Variants in NLRP1 observed in about 807,000 individuals in gnomAD.
NLRP1 encodes NLR family pyrin domain containing 1, also known as NACHT, LRR and PYD domains-containing protein 1.
A neutral mutation model predicts 136.7 loss-of-function variants in NLRP1; 94 were observed. That is an observed-to-expected ratio of 0.69 (90% CI 0.58 to 0.82). NLRP1 has a LOEUF of 0.82. Among genes scored for constraint, NLRP1 ranks in the 40% least tolerant of loss-of-function variants. The pLI is 0.00. For synonymous variants in NLRP1, 690 were observed against 725.1 expected (o/e 0.95, Z 0.78); for missense variants, 1,575 against 1,802.7 (o/e 0.87, Z 2.29).
In NLRP1 at chr17:5,583,596, G is replaced by A; in HGVS notation, c.271+91C>T. 7.6e-7 allele frequency: 1 copy of A among 1,318,308 alleles called. No homozygotes were observed. Among genetic ancestry groups the A allele is most frequent in the Non-Finnish European group, 1.0e-6 (1 of 968,864 alleles). 81.7% of individuals were successfully genotyped at this position (1,318,308 alleles called of 1,614,324 possible). A position where few individuals can be genotyped will look rare whatever the true frequency, so the allele number is the denominator to read the frequency against. ...TCACTGCTCAGAGGAAGGCCTGGCA[G>A]GGAGGGCTCAGTGGTGGGGTCCCAA... On this transcript the variant is annotated intron_variant, in intron 1 of 16. Transcript: ENST00000572272. This position sits in a 1 kb window ranked among gnomAD's most constrained non-coding sequence, Gnocchi z 4.5.
intron 9 of NLRP1, 123 bp from the exon 10 acceptor site, chr17:5,533,507 G>T (rs1597415017): frequency 3.6e-6 from 2 of 552,168 alleles, no homozygotes; most frequent in East Asian, 6.8e-5. Context: ...AGTGAGCCAT[G>T]AACATGCCAC....
Position 5,521,667 on chromosome 17 carries a change from G to A in NLRP1, c.3640C>T (p.Pro1214Ser), listed in dbSNP as rs1908919819. Residue 1214 changes from proline to serine, a missense_variant, in exon 13 of 17, where the codon CCC becomes TCC. By Grantham distance (74) the Pro-to-Ser change is moderately conservative (BLOSUM62 -1). Coordinates refer to ENST00000572272, the MANE Select transcript of NLRP1 (RefSeq NM_033004.4). ...ATCATTTTCAGGAGGACTCCCAAGG[G>A]GGAGAAGCTGGGGTTTTCCAGAACT... The part of the protein sequence containing the change: ...HIVLENPSFS[P>S]LGVLLKMIHN... 1 of 1,613,826 alleles carries A rather than the reference G, an allele frequency of 6.2e-7. No homozygotes were observed. Among genetic ancestry groups the A allele is most frequent in the South Asian group, 1.1e-5 (1 of 91,068 alleles).
rs780430904 is a variant in NLRP1 at position 5,558,995 on chromosome 17, C to G, written c.1701G>C (p.Gln567His). 1 of 1,614,152 alleles carries G rather than the reference C, an allele frequency of 6.2e-7. No homozygotes were observed. The highest frequency in any genetic ancestry group is 1.1e-5 in the South Asian group (1 of 91,078). ...QALQAQPLGP[Q>H]LRDLCSLAAE... ...CAGCCAGAGAGCAGAGGTCTCTGAG[C>G]TGGGGTCCCAATGGCTGAGCTTGGA... The change falls in exon 4 of 17, where the codon CAG (glutamine) becomes CAC (histidine). Residue 567 changes from glutamine (Q) to histidine (H), a missense_variant. Gln to His is a conservative substitution (Grantham distance 24). Coordinates refer to ENST00000572272, the MANE Select transcript of NLRP1 (RefSeq NM_033004.4).
In NLRP1 at chr17:5,514,965, T is replaced by G; in HGVS notation, c.4211A>C (p.His1404Pro). The G allele has an allele frequency of 6.2e-7, 1 of 1,614,212 alleles. No homozygotes were observed. The highest frequency in any genetic ancestry group is 2.2e-5 in the East Asian group (1 of 44,874). The change falls in exon 17 of 17, where the codon CAT becomes CCT. Residue 1404 changes from histidine (H) to proline (P), a missense_variant. Physicochemically the swap from His to Pro is moderately conservative, Grantham distance 77 (BLOSUM62 -2). Coordinates refer to ENST00000572272, the MANE Select transcript of NLRP1 (RefSeq NM_033004.4). ...CTGCTCCTGGCTCAGCACCTGTCCATGCAGTTTGTCCAAGACAACCTCCAC... is the reference window on the plus strand; with the variant it reads ...CTGCTCCTGGCTCAGCACCTGTCCAGGCAGTTTGTCCAAGACAACCTCCAC... Reference protein sequence around the residue: ...TSVEVVLDKLHGQVLSQEQYE... With the variant: ...TSVEVVLDKLPGQVLSQEQYE...
At position 5,518,501 on chromosome 17, in the gene NLRP1, A is replaced by G. The variant is rs1343717636; in HGVS notation, c.3916-614T>C. 4.6e-5 allele frequency: 7 copies of G among 152,006 alleles called. No individual in the cohort carries two copies. In the East Asian group the frequency reaches 1.3e-3, roughly 29 times the overall value. 9.4% of individuals were successfully genotyped at this position (152,006 alleles called of 1,614,324 possible). On this transcript the variant is annotated intron_variant, in intron 14 of 16. Coordinates refer to ENST00000572272, the MANE Select transcript of NLRP1 (RefSeq NM_033004.4). ...CATCTCCCTCGCTACCTTCCTAGTC[A>G]AGTGACCTTCAACTGTAGCTTGCAG...
At chr17:5,508,967 T>G (rs1308473430) in intron 15 of NLRP1, among the ~76,000 whole-genome samples, 2 of 152,232 alleles carry the variant, frequency 1.3e-5, no homozygotes, top group Non-Finnish European at 2.9e-5. Flanking sequence ...ATGGACCCAG[T>G]GGCCATTTTC....
chr17:5,534,079 G>A (rs1451655779), intron 8 of NLRP1, 91 bp from the exon 9 acceptor site: 30 of 909,202 alleles, frequency 3.3e-5, no homozygotes, highest in East Asian at 2.2e-4. Context: ...ACTCCTCCTC[G>A]GGTCGGGTGC....
intron 5 of NLRP1, among the ~76,000 whole-genome samples, chr17:5,545,915 A>G (rs1490621668): frequency 2.6e-5 from 4 of 152,190 alleles, no homozygotes; most frequent in African/African-American, 4.8e-5. Flanking sequence ...GCATAAACAA[A>G]TGTGCCTCTC....
Position 5,530,530 on chromosome 17 carries a change from C to T in NLRP1, c.3471G>A (p.Glu1157=), listed in dbSNP as rs375294836. ...VAGPLLDIKA[E]PGAVEAVHLP... The stretch of plus-strand genomic sequence containing the variant: ...GGTGCACAGCTTCCACAGCTCCAGG[C>T]TCAGCCTTGATGTCCAGCAGAGGCC... The change falls in exon 12 of 17, where the codon GAG becomes GAA. Residue 1157 remains glutamate, a synonymous_variant. Transcript: ENST00000572272. 1.9e-6 allele frequency: 3 copies of T among 1,614,114 alleles called. No individual in the cohort carries two copies. Among genetic ancestry groups the T allele is most frequent in the Non-Finnish European group, 2.5e-6 (3 of 1,180,050 alleles).
At chr17:5,565,512 G>T (rs1022148249) in intron 3 of NLRP1, among the ~76,000 whole-genome samples, 72 of 152,120 alleles carry the variant, frequency 4.7e-4, no homozygotes, top group African/African-American at 1.6e-3. Context: ...GTCCATGTTT[G>T]CTTTGGTTGC....
intron 3 of NLRP1, among the ~76,000 whole-genome samples, chr17:5,571,912 T>C (rs147801739): frequency 5.6e-4 from 85 of 152,276 alleles, no homozygotes; most frequent in African/African-American, 1.9e-3. Context: ...CATAGACCAA[T>C]GGAACAGAAT....
chr17:5,517,229 C>T (rs939827114), intron 15 of NLRP1, among the ~76,000 whole-genome samples: 4 of 151,910 alleles, frequency 2.6e-5, no homozygotes, highest in Non-Finnish European at 4.4e-5. Context: ...TTTAGAGGGT[C>T]AGATTGAGTC....
downstream of NLRP1, among the ~76,000 whole-genome samples, chr17:5,511,346 C>T (rs1332053722): frequency 2.6e-5 from 4 of 151,364 alleles, no homozygotes; most frequent in African/African-American, 4.9e-5. Context: ...GCAGGAGAAT[C>T]GTTTGAACCC....
chr17:5,545,106 T>C (rs1265250739), intron 5 of NLRP1, among the ~76,000 whole-genome samples: 1 of 152,184 alleles, frequency 6.6e-6, no homozygotes, highest in Non-Finnish European at 1.5e-5. Context: ...GGCTTCCTTC[T>C]GGACTTTCCT....
At chr17:5,572,315 C>T (rs1359353203) in intron 3 of NLRP1, among the ~76,000 whole-genome samples, 1 of 152,088 alleles carries the variant, frequency 6.6e-6, no homozygotes, top group East Asian at 1.9e-4. Flanking sequence ...AATAGACAAC[C>T]CACAGAATGG....
At chr17:5,561,174 A>G (rs1914697138) in intron 3 of NLRP1, among the ~76,000 whole-genome samples, 1 of 152,160 alleles carries the variant, frequency 6.6e-6, no homozygotes, top group Admixed American at 6.5e-5. Context: ...CTCCTGCCTC[A>G]GCCCCCAGAG....
At chr17:5,512,214 T>C, downstream of NLRP1, 3 of 1,381,702 alleles carry the variant, frequency 2.2e-6, no homozygotes, top group Non-Finnish European at 3.1e-6. Context: ...AGCCATGAAG[T>C]TGGCAACCAC....
At chr17:5,526,997 GTCA>G (rs1224231459) in intron 12 of NLRP1, among the ~76,000 whole-genome samples, 1 of 152,214 alleles carries the variant, frequency 6.6e-6, no homozygotes, top group Non-Finnish European at 1.5e-5. Context: ...AGGCAGTGAG[GTCA>G]TCGTTTCCAG....
chr17:5,511,771 CTCTTTCTTCT>C (rs1204590293), downstream of NLRP1, among the ~76,000 whole-genome samples: 1 of 149,892 alleles, frequency 6.7e-6, no homozygotes, highest in Admixed American at 6.7e-5. Flanking sequence ...CTTTCTCTTT[CTCTTTCTTCT>C]TTCTTTCTCT....
Sources: gnomAD v4.1 joint callset for allele counts (sites outside exome capture counted in the v4.1 genomes callset) on GRCh38, gnomAD v4.1.1 for gene constraint, Gnocchi (gnomAD v3.1) non-coding constraint, MANE v1.5 for transcripts, NCBI Gene and HGNC (gene_info 2026-07-23, HGNC 2026-07-21) for gene names.